The following BTBD10 variants were observed in gnomAD, a reference collection of about 807,000 sequenced individuals.
BTBD10 encodes the protein BTB/POZ domain-containing protein 10.
Under a neutral mutation model 53.2 loss-of-function variants are expected in BTBD10, and 21 were observed. That is an observed-to-expected ratio of 0.39 (90% CI 0.28 to 0.57). The LOEUF (loss-of-function observed/expected upper bound fraction) is 0.57. Ranked by LOEUF, BTBD10 falls within the 20% of genes least tolerant of loss-of-function variation. The probability of loss-of-function intolerance (pLI) is 0.53; values close to 1 mark genes in which losing one functional copy is unlikely to be tolerated. For missense variants in BTBD10, 360 were observed against 594.7 expected (o/e 0.61, Z 4.10); for synonymous variants, 149 against 192.7 (o/e 0.77, Z 1.88).
intron 8 of BTBD10, among the ~76,000 whole-genome samples, chr11:13,395,569 T>C (rs2135740638): frequency 6.6e-6 from 1 of 152,338 alleles, no homozygotes; most frequent in Middle Eastern, 3.4e-3. Context: ...AATTTTGGCT[T>C]TTGTTGCCAT....
intron 2 of BTBD10, among the ~76,000 whole-genome samples, chr11:13,443,222 C>A: frequency 6.7e-6 from 1 of 148,472 alleles, no homozygotes; most frequent in Non-Finnish European, 1.5e-5. Context: ...CCACTGCGCT[C>A]CAGCCTGACA....
chr11:13,432,210 G>C (rs1950461904), intron 2 of BTBD10, among the ~76,000 whole-genome samples: 1 of 152,126 alleles, frequency 6.6e-6, no homozygotes, highest in African/African-American at 2.4e-5. Context: ...CAGAGTTGGA[G>C]AGAGGGTGTA....
At chr11:13,411,052 G>C (rs1257419370) in intron 6 of BTBD10, among the ~76,000 whole-genome samples, 1 of 152,180 alleles carries the variant, frequency 6.6e-6, no homozygotes, top group Non-Finnish European at 1.5e-5. Context: ...TTACTACATA[G>C]AGAAAGGGAA....
chr11:13,421,871 AG>A, intron 2 of BTBD10, 33 bp from the exon 3 acceptor site: 1 of 1,539,134 alleles, frequency 6.5e-7, no homozygotes, highest in Non-Finnish European at 8.9e-7. Flanking sequence ...TAACCATAAA[AG>A]CAGAACATAA....
chr11:13,448,656 C>A (rs1241756882), intron 1 of BTBD10, among the ~76,000 whole-genome samples: 1 of 152,122 alleles, frequency 6.6e-6, no homozygotes, highest in African/African-American at 2.4e-5. Context: ...TTTATTTAAG[C>A]CCTTATCATC....
At chr11:13,426,473 T>C (rs1417790374) in intron 2 of BTBD10, among the ~76,000 whole-genome samples, 1 of 152,086 alleles carries the variant, frequency 6.6e-6, no homozygotes, top group East Asian at 1.9e-4. Context: ...GAATATAATT[T>C]TTTTCTAATT....
intron 2 of BTBD10, among the ~76,000 whole-genome samples, chr11:13,442,079 T>C (rs548970366): frequency 8.5e-5 from 13 of 152,196 alleles, no homozygotes; most frequent in Non-Finnish European, 1.3e-4. Flanking sequence ...AAGAGATTTC[T>C]GACCCTAACA....
intron 8 of BTBD10, among the ~76,000 whole-genome samples, chr11:13,399,130 C>G (rs1471111123): frequency 3.3e-5 from 5 of 152,170 alleles, no homozygotes; most frequent in Admixed American, 3.3e-4. Context: ...TGGATAATAT[C>G]CTGCAGAGTG....
chr11:13,426,836 C>G (rs943302167), intron 2 of BTBD10, among the ~76,000 whole-genome samples: 1 of 152,046 alleles, frequency 6.6e-6, no homozygotes, highest in Non-Finnish European at 1.5e-5. Context: ...ACAAATGGGA[C>G]AAACGGAAAA....
intron 1 of BTBD10, among the ~76,000 whole-genome samples, chr11:13,461,045 C>G (rs935151532): frequency 6.6e-6 from 1 of 152,164 alleles, no homozygotes; most frequent in Non-Finnish European, 1.5e-5. Context: ...CCTACTATAA[C>G]TATACTTAAA....
intron 8 of BTBD10, among the ~76,000 whole-genome samples, chr11:13,400,022 C>T (rs189151334): frequency 1.3e-5 from 2 of 152,166 alleles, no homozygotes; most frequent in East Asian, 1.9e-4. Context: ...GCAGTCTGCC[C>T]GTTCTCAGAT....
intron 6 of BTBD10, among the ~76,000 whole-genome samples, chr11:13,411,538 T>A (rs182779150): frequency 2.6e-5 from 4 of 152,256 alleles, no homozygotes; most frequent in Non-Finnish European, 4.4e-5. Context: ...ACTACAAATA[T>A]TACTGAAAAG....
At chr11:13,394,063 G>A (rs1156510461) in intron 8 of BTBD10, among the ~76,000 whole-genome samples, 1 of 152,104 alleles carries the variant, frequency 6.6e-6, no homozygotes, top group Non-Finnish European at 1.5e-5. Context: ...TACAAATTCA[G>A]GCAAAAATTA....
At chr11:13,449,027 G>T (rs1020420136) in intron 1 of BTBD10, among the ~76,000 whole-genome samples, 3 of 152,122 alleles carry the variant, frequency 2.0e-5, no homozygotes, top group Non-Finnish European at 4.4e-5. Context: ...TGTTGGCTAG[G>T]GGCAGGCATT....
intron 6 of BTBD10, among the ~76,000 whole-genome samples, chr11:13,410,752 A>T (rs1186158021): frequency 6.6e-6 from 1 of 152,248 alleles, no homozygotes; most frequent in Admixed American, 6.5e-5. Flanking sequence ...TAACTTTATT[A>T]TAAGTTAGCA....
At chr11:13,434,130 T>C (rs1950504470) in intron 2 of BTBD10, among the ~76,000 whole-genome samples, 1 of 152,188 alleles carries the variant, frequency 6.6e-6, no homozygotes, top group South Asian at 2.1e-4. Flanking sequence ...AATAAATATG[T>C]ATAGCCTAAA....
At chr11:13,435,920 A>G (rs1367289250) in intron 2 of BTBD10, among the ~76,000 whole-genome samples, 1 of 152,226 alleles carries the variant, frequency 6.6e-6, no homozygotes, top group Non-Finnish European at 1.5e-5. Context: ...AGTATCAAAA[A>G]TAAAAATCTA....
intron 4 of BTBD10, among the ~76,000 whole-genome samples, chr11:13,418,544 C>CA (rs1220113102): frequency 6.6e-6 from 1 of 151,942 alleles, no homozygotes; most frequent in East Asian, 1.9e-4. Flanking sequence ...ACTAAAAATA[C>CA]AAAAAAGCCT....
chr11:13,414,830 C>A (rs570039331), intron 5 of BTBD10, among the ~76,000 whole-genome samples: 37 of 139,418 alleles, frequency 2.7e-4, no homozygotes, highest in Non-Finnish European at 4.6e-4. Flanking sequence ...ACGGAGCGAG[C>A]CTCCATCTCA....
Sources: allele counts gnomAD v4.1 joint callset (sites outside exome capture counted in the v4.1 genomes callset), GRCh38; gene constraint gnomAD v4.1.1; transcripts MANE v1.5; gene names NCBI Gene and HGNC (gene_info 2026-07-23, HGNC 2026-07-21).